The following PLAA variants were observed in gnomAD, a reference collection of about 807,000 sequenced individuals.
The protein encoded by PLAA is phospholipase A2 activating protein, also known as phospholipase A-2-activating protein.
In PLAA, 48 loss-of-function variants were observed where a neutral mutation model predicts 84.1. The ratio of observed to expected loss-of-function variants is 0.57; its 90% CI spans 0.45 to 0.73. The LOEUF is 0.73. Among genes scored for constraint, PLAA ranks in the 30% least tolerant of loss-of-function variants. The pLI is 0.00. For synonymous variants in PLAA, 392 were observed against 336.6 expected, an observed-to-expected ratio of 1.16 and a Z score of -1.80; for missense variants, 903 against 954.7, an observed-to-expected ratio of 0.95 and a Z score of 0.71.
intron 6 of PLAA, among the ~76,000 whole-genome samples, chr9:26,923,890 G>A (rs745418089): frequency 2.6e-5 from 4 of 152,054 alleles, no homozygotes; most frequent in Admixed American, 6.6e-5. Context: ...TTCTTAATTC[G>A]AAATTCTGAG....
chr9:26,909,327 G>GT (rs74389691), intron 12 of PLAA, among the ~76,000 whole-genome samples: 1 of 151,934 alleles, frequency 6.6e-6, no homozygotes, highest in South Asian at 2.1e-4. Flanking sequence ...ATTTTCACAA[G>GT]TTTTTTTAAA....
At chr9:26,921,771 C>G (rs1226439008) in intron 7 of PLAA, among the ~76,000 whole-genome samples, 2 of 152,168 alleles carry the variant, frequency 1.3e-5, no homozygotes, top group Non-Finnish European at 2.9e-5. Context: ...GGTTCAATAA[C>G]TTACGCAGAT....
At chr9:26,922,649 A>C (rs1395812604) in intron 7 of PLAA, among the ~76,000 whole-genome samples, 1 of 151,466 alleles carries the variant, frequency 6.6e-6, no homozygotes, top group Non-Finnish European at 1.5e-5. Context: ...CATTACACAG[A>C]CAATGCTTGA....
At chr9:26,908,304 C>CTA (rs1365368711) in intron 12 of PLAA, among the ~76,000 whole-genome samples, 1 of 150,584 alleles carries the variant, frequency 6.6e-6, no homozygotes, top group Admixed American at 6.7e-5. Flanking sequence ...GTAGCTGGGA[C>CTA]TATAGGCGCC....
Position 26,926,398 on chromosome 9 carries a change from C to T in PLAA, c.728G>A (p.Cys243Tyr). ...ATAGCATAAAATAATCTTACCTCTA[C>T]AATTTGGAAAAACGGATATGCTATA... The part of the protein sequence containing the change: ...YIYSISVFPN[C>Y]RDFVTTAEDR... Residue 243 changes from cysteine (C) to tyrosine (Y), a missense_variant, in exon 5 of 14, where the codon TGT (cysteine) becomes TAT (tyrosine). Coordinates refer to ENST00000397292, the MANE Select transcript of PLAA (RefSeq NM_001031689.3). 6.3e-7 allele frequency: 1 copy of T among 1,586,642 alleles called. No individual in the cohort carries two copies. Among genetic ancestry groups the T allele is most frequent in the South Asian group, 1.1e-5 (1 of 90,128 alleles).
intron 2 of PLAA, among the ~76,000 whole-genome samples, chr9:26,929,807 TAGC>T (rs999253830): frequency 6.6e-6 from 1 of 152,202 alleles, no homozygotes; most frequent in African/African-American, 2.4e-5. Flanking sequence ...TTAGAATACT[TAGC>T]ATCACTCAGA....
intron 10 of PLAA, chr9:26,916,027 T>A: frequency 1.0e-6 from 1 of 985,372 alleles, no homozygotes; most frequent in South Asian, 4.7e-5. Context: ...CATAACAGCA[T>A]TTAGTGTGAT....
chr9:26,930,105 TA>T lies in PLAA; in HGVS notation c.344-1698del, dbSNP rs199895618. Among the ~76,000 whole-genome samples the T allele has an allele frequency of 3.3e-4, 50 of 149,380 alleles. 1 individual carries two copies. In the East Asian group the frequency reaches 3.5e-3, roughly 11 times the overall value. ...AAAGCCAGTGCCTTATTATTATTAT[TA>T]TTTTTTTTTTTTTTTTGAGACAGAG... On this transcript the variant is annotated intron_variant, in intron 2 of 13. Transcript: ENST00000397292.
intron 1 of PLAA, among the ~76,000 whole-genome samples, chr9:26,938,434 C>T (rs529597793): frequency 6.6e-6 from 1 of 152,094 alleles, no homozygotes; most frequent in South Asian, 2.1e-4. Context: ...CACCTGTAGT[C>T]CCAGTTACTT....
rs1403058095 is a variant in PLAA at position 26,907,592 on chromosome 9, A to G, written c.1822+242T>C. 1.9e-5 allele frequency: 8 copies of G among 417,400 alleles called. No individual in the cohort carries two copies. The East Asian group carries it at 3.2e-4, about 17-fold the overall frequency. The allele number at this position is 417,400 out of a possible 1,614,324, so 25.9% of individuals were successfully genotyped here. A position where few individuals can be genotyped will look rare whatever the true frequency, so the allele number is the denominator to read the frequency against. ...AACAAAGAAAACAAACAACAACAAC[A>G]AAAAAACAAACTGGTGCATATATGG... On this transcript the variant is annotated intron_variant, in intron 13 of 13. Coordinates refer to ENST00000397292, the MANE Select transcript of PLAA (RefSeq NM_001031689.3).
rs774613897 is a variant in PLAA, at chr9:26,908,001, A to G, written c.1658-3T>C. On this transcript the variant is annotated splice_region_variant and splice_polypyrimidine_tract_variant and intron_variant, in intron 12 of 13. Coordinates refer to ENST00000397292, the MANE Select transcript of PLAA (RefSeq NM_001031689.3). ...TCCATTAAGTTCCTTCAGTTTACCT[A>G]GAACCCAAAACCAAACTTTCAAAAT... 1 of 1,571,084 alleles carries G rather than the reference A, an allele frequency of 6.4e-7. No individual in the cohort carries two copies. The highest frequency in any genetic ancestry group is 2.3e-5 in the East Asian group (1 of 44,408).
intron 12 of PLAA, among the ~76,000 whole-genome samples, chr9:26,910,018 C>G (rs181022662): frequency 1.2e-4 from 18 of 152,248 alleles, no homozygotes; most frequent in Admixed American, 1.2e-3. Flanking sequence ...TTTTCAAATG[C>G]TTTACTCATT....
At position 26,926,472 on chromosome 9, in the gene PLAA, T is replaced by C. The variant is rs752732809; in HGVS notation, c.654A>G (p.Gln218=). Residue 218 remains glutamine, a synonymous_variant, in exon 5 of 14, where the codon CAA becomes CAG. Coordinates refer to ENST00000397292, the MANE Select transcript of PLAA (RefSeq NM_001031689.3). The part of the protein sequence containing the change: ...CANDASIRRW[Q]ITGECLEVYY... ...ATACTTCAAGACACTCGCCAGTGAT[T>C]TGCCACCTTCTAATACTAGCATCAT... The C allele has an allele frequency of 8.1e-6, 13 of 1,612,802 alleles. No individual in the cohort carries two copies. Among genetic ancestry groups the C allele is most frequent in the South Asian group, 1.1e-5 (1 of 91,062 alleles).
At chr9:26,936,595 C>T (rs1482830423) in intron 1 of PLAA, among the ~76,000 whole-genome samples, 1 of 152,232 alleles carries the variant, frequency 6.6e-6, no homozygotes, top group Non-Finnish European at 1.5e-5. Flanking sequence ...CAGTTACCCA[C>T]ACCTCACCCT....
At chr9:26,912,295 G>C (rs1160471958) in intron 11 of PLAA, among the ~76,000 whole-genome samples, 2 of 152,210 alleles carry the variant, frequency 1.3e-5, no homozygotes, top group Non-Finnish European at 2.9e-5. Context: ...AGCTCTGGAG[G>C]TAGAAAATAC....
Position 26,923,245 on chromosome 9 carries a change from A to G in PLAA, c.972T>C (p.Ser324=). 6.2e-7 allele frequency: 1 copy of G among 1,613,866 alleles called. No individual in the cohort carries two copies. The highest frequency in any genetic ancestry group is 8.5e-7 in the Non-Finnish European group (1 of 1,179,784). Reference sequence around the variant, plus strand: ...TGATGTCCCCTAAATCGCCAGTTTTAGAATCAATGGTTGCGTGAGACAGTT... The same window carrying G: ...TGATGTCCCCTAAATCGCCAGTTTTGGAATCAATGGTTGCGTGAGACAGTT... ...EKELSHATID[S]KTGDLGDINA... Residue 324 remains serine, a synonymous_variant, in exon 7 of 14, where the codon TCT becomes TCC. Transcript: ENST00000397292.
chr9:26,946,056 G>T (rs535416056), intron 1 of PLAA, among the ~76,000 whole-genome samples: 13 of 152,288 alleles, frequency 8.5e-5, no homozygotes, highest in African/African-American at 3.1e-4. Flanking sequence ...ACAAAGAGGA[G>T]GCACTCAACA....
chr9:26,927,975 C>G, intron 4 of PLAA, 125 bp downstream of exon 4: 1 of 1,077,864 alleles, frequency 9.3e-7, no homozygotes, highest in Non-Finnish European at 1.3e-6. Context: ...ATTACATTAA[C>G]TCAAATTAAT....
intron 2 of PLAA, among the ~76,000 whole-genome samples, chr9:26,930,465 G>T (rs367861433): frequency 6.6e-6 from 1 of 152,088 alleles, no homozygotes. Context: ...AGCATGTGTG[G>T]AGAGAAAGCC....
Sources: allele counts gnomAD v4.1 joint callset (sites outside exome capture counted in the v4.1 genomes callset), GRCh38; gene constraint gnomAD v4.1.1; transcripts MANE v1.5; gene names NCBI Gene and HGNC (gene_info 2026-07-23, HGNC 2026-07-21).